The following MDH1B variants were observed in gnomAD, a reference collection of about 807,000 sequenced individuals.
MDH1B encodes putative malate dehydrogenase 1B.
A neutral mutation model predicts 61.4 loss-of-function variants in MDH1B; 60 were observed. The ratio of observed to expected loss-of-function variants is 0.98; its 90% CI spans 0.79 to 1.21. The LOEUF (loss-of-function observed/expected upper bound fraction) is 1.21, where lower values mean the gene tolerates loss of function less well. Ranked by LOEUF, MDH1B falls within the 50% of genes most tolerant of loss-of-function variation. The probability of loss-of-function intolerance (pLI) is 0.00; values close to 1 mark genes in which losing one functional copy is unlikely to be tolerated. For synonymous variants in MDH1B, 236 were observed against 218.7 expected, an observed-to-expected ratio of 1.08 and a Z score of -0.70; for missense variants, 587 against 632.1, an observed-to-expected ratio of 0.93 and a Z score of 0.76.
At chr2:206,763,507 G>A (rs1421763324) in intron 1 of MDH1B, among the ~76,000 whole-genome samples, 3 of 151,902 alleles carry the variant, frequency 2.0e-5, no homozygotes, top group African/African-American at 7.3e-5. Flanking sequence ...CAGTCTTTTT[G>A]TCCCACACTA....
chr2:206,749,317 T>C (rs551054980), intron 6 of MDH1B, 134 bp from the exon 7 acceptor site: 5 of 703,410 alleles, frequency 7.1e-6, no homozygotes, highest in East Asian at 2.8e-5. Flanking sequence ...TTATTTCTAG[T>C]GTCTTTCCTC....
intron 1 of MDH1B, among the ~76,000 whole-genome samples, chr2:206,763,641 A>G (rs564794610): frequency 6.6e-6 from 1 of 152,218 alleles, no homozygotes; most frequent in East Asian, 1.9e-4. Flanking sequence ...ACATTATCTA[A>G]CTCTAGCCTC....
Position 206,755,085 on chromosome 2 carries a change from G to A in MDH1B, c.834C>T (p.Asn278=), listed in dbSNP as rs915708463. Residue 278 remains asparagine (N), a synonymous_variant, in exon 5 of 12, where the codon AAC becomes AAT. Transcript: ENST00000374412. Reference sequence around the variant, plus strand: ...CCACCCCCAGCGCCACAGCAATAATGTTGTGTGCAATGCGTGGGGCATATC... The same window carrying A: ...CCACCCCCAGCGCCACAGCAATAATATTGTGTGCAATGCGTGGGGCATATC... ...LMRYAPRIAH[N]IIAVALGVEG... The A allele has an allele frequency of 6.2e-7, 1 of 1,614,226 alleles. No individual in the cohort carries two copies. The highest frequency in any genetic ancestry group is 8.5e-7 in the Non-Finnish European group (1 of 1,180,028).
intron 2 of MDH1B, 85 bp downstream of exon 2, chr2:206,760,816 C>A: frequency 1.4e-6 from 1 of 725,734 alleles, no homozygotes; most frequent in Non-Finnish European, 2.4e-6. Context: ...TCCTAGAAGC[C>A]AGTCTAATAC....
chr2:206,764,858 C>A (rs1234151983), intron 1 of MDH1B, among the ~76,000 whole-genome samples: 1 of 152,178 alleles, frequency 6.6e-6, no homozygotes, highest in Admixed American at 6.5e-5. Context: ...GCCTCCTCAG[C>A]TCACACCTTC....
At position 206,745,463 on chromosome 2, in the gene MDH1B, T is replaced by G. The variant is rs1433376829; in HGVS notation, c.1408+159A>C. ...TTAACATTCTTATGAGATGTTTTAT[T>G]TCAAAGGACACATTGAACTTAACAG... On this transcript the variant is annotated intron_variant, in intron 9 of 11. Coordinates refer to ENST00000374412, the MANE Select transcript of MDH1B (RefSeq NM_001039845.3). The G allele has an allele frequency of 7.5e-6, 5 of 663,570 alleles. No homozygotes were observed. The East Asian group carries it at 1.4e-4, about 18-fold the overall frequency. 41.1% of individuals were successfully genotyped at this position (663,570 alleles called of 1,614,324 possible). A position where few individuals can be genotyped will look rare whatever the true frequency, so the allele number is the denominator to read the frequency against.
At chr2:206,751,259 A>G (rs937938774) in intron 5 of MDH1B, among the ~76,000 whole-genome samples, 184 bp from the exon 6 acceptor site, 4 of 152,166 alleles carry the variant, frequency 2.6e-5, no homozygotes, top group Non-Finnish European at 5.9e-5. Context: ...TAACTGTCAT[A>G]GTTTGGCAGT....
At position 206,765,239 on chromosome 2, in the gene MDH1B, G is replaced by A; in HGVS notation, c.22+11C>T. The stretch of plus-strand genomic sequence containing the variant: ...TTGAGCAATCTGCGGGCGGACGCGG[G>A]GATCACTCACCCGCGATGACGAATT... On this transcript the variant is annotated intron_variant, in intron 1 of 11. Coordinates refer to ENST00000374412, the MANE Select transcript of MDH1B (RefSeq NM_001039845.3). 1.2e-6 allele frequency: 2 copies of A among 1,601,578 alleles called. No homozygotes were observed. The highest frequency in any genetic ancestry group is 1.7e-6 in the Non-Finnish European group (2 of 1,175,942).
intron 11 of MDH1B, 50 bp from the exon 12 acceptor site, chr2:206,738,561 G>C: frequency 2.2e-6 from 3 of 1,341,538 alleles, no homozygotes; most frequent in South Asian, 1.3e-5. Flanking sequence ...AAATATGTTA[G>C]TAGCATATGT....
intron 10 of MDH1B, 98 bp downstream of exon 10, chr2:206,740,956 C>T: frequency 6.6e-7 from 1 of 1,512,488 alleles, no homozygotes; most frequent in Non-Finnish European, 8.9e-7. Flanking sequence ...TTAAAACTTG[C>T]TTTGGTCGCT....
intron 9 of MDH1B, among the ~76,000 whole-genome samples, chr2:206,743,031 A>C (rs1370954527): frequency 6.6e-6 from 1 of 151,778 alleles, no homozygotes; most frequent in African/African-American, 2.4e-5. Flanking sequence ...TCTAATTTAT[A>C]TAAACAGAAA....
At chr2:206,764,646 T>A (rs1689322724) in intron 1 of MDH1B, among the ~76,000 whole-genome samples, 1 of 152,212 alleles carries the variant, frequency 6.6e-6, no homozygotes, top group Non-Finnish European at 1.5e-5. Context: ...TGCAAACTCA[T>A]TAAGACTACT....
chr2:206,747,419 T>C (rs1245927415), intron 7 of MDH1B, among the ~76,000 whole-genome samples: 1 of 152,176 alleles, frequency 6.6e-6, no homozygotes, highest in Non-Finnish European at 1.5e-5. Flanking sequence ...CCTACAGAGA[T>C]TAATTAAACT....
In MDH1B at chr2:206,760,988, A is replaced by G. The variant is rs1334994882; in HGVS notation, c.48T>C (p.Ala16=). The stretch of plus-strand genomic sequence containing the variant: ...AATAGTCTGCCACAAGTTCTGTTTT[A>G]GCATAATATGGACAATCTGCTCTAC... ...IAGRADCPYY[A]KTELVADYLQ... is the part of the protein sequence containing the mutation. Residue 16 remains alanine (A), a synonymous_variant, in exon 2 of 12, where the codon GCT becomes GCC. Transcript: ENST00000374412. 1 of 1,609,270 alleles carries G rather than the reference A, an allele frequency of 6.2e-7. No individual in the cohort carries two copies.
At chr2:206,744,075 T>C (rs2105920810) in intron 9 of MDH1B, among the ~76,000 whole-genome samples, 1 of 152,346 alleles carries the variant, frequency 6.6e-6, no homozygotes, top group African/African-American at 2.4e-5. Context: ...TGGCTGTATC[T>C]CTCAGCTCCA....
At chr2:206,758,353 G>C (rs1688879751) in intron 2 of MDH1B, among the ~76,000 whole-genome samples, 2 of 152,172 alleles carry the variant, frequency 1.3e-5, no homozygotes, top group Admixed American at 1.3e-4. Flanking sequence ...GTATACCCTG[G>C]CAAGGACCTC....
At position 206,751,051 on chromosome 2, in the gene MDH1B, C is replaced by A; in HGVS notation, c.935G>T (p.Gly312Val). ...AACGTAATTATTTCCACTGATATTA[C>A]CCCAAATGATCACGTCTTTAATGTC... is the stretch of plus-strand genomic sequence containing the variant. ...PSYIKDVIIW[G>V]NISGNNYVDL... Residue 312 changes from glycine to valine, a missense_variant, in exon 6 of 12, where the codon GGT becomes GTT. Gly to Val is a moderately radical substitution (Grantham distance 109). Transcript: ENST00000374412. The A allele has an allele frequency of 6.2e-7, 1 of 1,600,216 alleles. No individual in the cohort carries two copies. The highest frequency in any genetic ancestry group is 8.5e-7 in the Non-Finnish European group (1 of 1,170,524).
chr2:206,754,100 A>G (rs1688612840), intron 5 of MDH1B, among the ~76,000 whole-genome samples: 3 of 152,250 alleles, frequency 2.0e-5, no homozygotes, highest in Admixed American at 1.3e-4. Context: ...TATGTATGCA[A>G]GAATACCGGA....
intron 5 of MDH1B, among the ~76,000 whole-genome samples, chr2:206,752,897 G>GGCGTTAGAT (rs1400217952): frequency 6.6e-6 from 1 of 151,298 alleles, no homozygotes; most frequent in African/African-American, 2.4e-5. Flanking sequence ...TCACGCCTTA[G>GGCGTTAGAT]GTCCACCTAT....
Sources: gnomAD v4.1 joint callset for allele counts (sites outside exome capture counted in the v4.1 genomes callset) on GRCh38, gnomAD v4.1.1 for gene constraint, MANE v1.5 for transcripts, NCBI Gene and HGNC (gene_info 2026-07-23, HGNC 2026-07-21) for gene names.